CDH18: variants seen among roughly 807,000 people sequenced by gnomAD.
CDH18 encodes the protein cadherin-18.
Under a neutral mutation model 67.9 loss-of-function variants are expected in CDH18, and 31 were observed. The ratio of observed to expected loss-of-function variants is 0.46; its 90% CI spans 0.34 to 0.62. The LOEUF (loss-of-function observed/expected upper bound fraction) is 0.62. CDH18 is among the 20% of genes least tolerant of loss of function. CDH18 has a pLI of 0.01. For missense variants in CDH18, 890 were observed against 975.5 expected (o/e 0.91, Z 1.17); for synonymous variants, 362 against 347.2 (o/e 1.04, Z -0.48).
intron 3 of CDH18, 32 bp downstream of exon 3, chr5:19,838,726 AT>A: frequency 6.9e-7 from 1 of 1,458,920 alleles, no homozygotes; most frequent in Non-Finnish European, 9.6e-7. Flanking sequence ...ATTTCTCAGG[AT>A]AGAAAAAACA....
intron 3 of CDH18, among the ~76,000 whole-genome samples, chr5:19,762,078 C>A (rs1772434498): frequency 6.6e-6 from 1 of 152,036 alleles, no homozygotes; most frequent in African/African-American, 2.4e-5. Flanking sequence ...TTGCACCTTA[C>A]ACAAAAATTA....
At chr5:20,342,738 C>A (rs1182612131) in intron 1 of CDH18, among the ~76,000 whole-genome samples, 1 of 152,086 alleles carries the variant, frequency 6.6e-6, no homozygotes, top group Admixed American at 6.5e-5. Context: ...TGTTGCAGGT[C>A]AGGGAGTTAA....
intron 2 of CDH18, among the ~76,000 whole-genome samples, chr5:20,043,394 C>T (rs969138242): frequency 1.4e-4 from 21 of 152,012 alleles, no homozygotes; most frequent in African/African-American, 4.6e-4. Flanking sequence ...AAAGGTTTGC[C>T]TCTACTTTAA....
At chr5:20,453,822 A>G (rs1055978690) in intron 1 of CDH18, among the ~76,000 whole-genome samples, 4 of 152,104 alleles carry the variant, frequency 2.6e-5, no homozygotes, top group Non-Finnish European at 5.9e-5. Context: ...TAAAAAGTAG[A>G]AACAATAAAC....
chr5:20,166,465 G>T (rs371846582), intron 2 of CDH18, among the ~76,000 whole-genome samples: 1 of 142,338 alleles, frequency 7.0e-6, no homozygotes, highest in African/African-American at 2.6e-5. Context: ...GAAAAGAAAA[G>T]AAAAGAAAAA....
At chr5:20,226,149 T>A (rs1157046853) in intron 2 of CDH18, among the ~76,000 whole-genome samples, 1 of 152,078 alleles carries the variant, frequency 6.6e-6, no homozygotes, top group Non-Finnish European at 1.5e-5. Context: ...GTTATTTTTT[T>A]AAAAAGCAAG....
intron 5 of CDH18, among the ~76,000 whole-genome samples, chr5:19,690,089 A>G (rs1761658049): frequency 1.3e-5 from 2 of 151,156 alleles, no homozygotes; most frequent in Admixed American, 6.6e-5. Flanking sequence ...GTGTGTATAT[A>G]TATATATACA....
In CDH18 at chr5:20,428,058, G is replaced by A. The variant is rs113230514; in HGVS notation, c.-580+147404C>T. On this transcript the variant is annotated intron_variant, in intron 1 of 14. Coordinates refer to the CDH18 transcript ENST00000507958. ...CCATCATCTGGGTTTCAAGCCCCACGTGCATTAGGTACTTGTCCTAATGCT... is the reference window on the plus strand; with the variant it reads ...CCATCATCTGGGTTTCAAGCCCCACATGCATTAGGTACTTGTCCTAATGCT... 1.4e-4 allele frequency among the ~76,000 whole-genome samples: 21 copies of A among 150,642 alleles called. 1 individual carries two copies. Among genetic ancestry groups the A allele is most frequent in the African/African-American group, 5.2e-4 (21 of 40,208 alleles).
chr5:20,148,298 T>C (rs562359190), intron 2 of CDH18, among the ~76,000 whole-genome samples: 59 of 152,056 alleles, frequency 3.9e-4, no homozygotes, highest in Middle Eastern at 6.8e-3. Flanking sequence ...AGGGTTTCAC[T>C]GTGTTAGCCA....
intron 2 of CDH18, among the ~76,000 whole-genome samples, chr5:20,173,050 A>G (rs1001958206): frequency 1.3e-5 from 2 of 152,122 alleles, no homozygotes; most frequent in African/African-American, 4.8e-5. Flanking sequence ...AAAGTACTAA[A>G]CACAAACAAC....
intron 7 of CDH18, among the ~76,000 whole-genome samples, chr5:19,586,294 G>A (rs2150005445): frequency 6.6e-6 from 1 of 152,108 alleles, no homozygotes; most frequent in African/African-American, 2.4e-5. Flanking sequence ...CTGCCGCACA[G>A]ATTAACCCAT....
At chr5:20,460,328 G>T (rs1245996831) in intron 1 of CDH18, among the ~76,000 whole-genome samples, 1 of 151,864 alleles carries the variant, frequency 6.6e-6, no homozygotes, top group African/African-American at 2.4e-5. Flanking sequence ...GGAGGTGGAG[G>T]TTGCAGTGAG....
chr5:19,713,652 A>G (rs1764992528), intron 5 of CDH18, among the ~76,000 whole-genome samples: 1 of 152,132 alleles, frequency 6.6e-6, no homozygotes, highest in African/African-American at 2.4e-5. Flanking sequence ...TCTGTAAAGT[A>G]CTTTGGTACT....
intron 1 of CDH18, among the ~76,000 whole-genome samples, chr5:20,505,679 G>C (rs1754612622): frequency 6.6e-6 from 1 of 152,170 alleles, no homozygotes; most frequent in South Asian, 2.1e-4. Flanking sequence ...GAGTAGCTTT[G>C]AGAGATATTT....
chr5:19,919,624 G>A, intron 2 of CDH18, among the ~76,000 whole-genome samples: 1 of 152,210 alleles, frequency 6.6e-6, no homozygotes, highest in South Asian at 2.1e-4. Context: ...TAAATTATAA[G>A]GGTAGTAGAT....
chr5:19,483,390 C>T lies in CDH18; in HGVS notation c.1793G>A (p.Arg598Gln), dbSNP rs766286596. The T allele has an allele frequency of 6.2e-6, 10 of 1,613,920 alleles. No homozygotes were observed. The Admixed American group carries it at 6.7e-5, about 11-fold the overall frequency. The change falls in exon 12 of 13, where the codon CGG becomes CAG. Residue 598 changes from arginine (R) to glutamine (Q), a missense_variant. Transcript: ENST00000382275. ...VCACERDGRV[R>Q]TCHAEAFLSS... ...CAGGAAGGCTTCTGCATGGCAGGTC[C>T]GCACACGCCCATCTCTCTCGCATGC...
intron 5 of CDH18, 142 bp from the exon 6 acceptor site, chr5:19,612,743 T>C: frequency 3.1e-6 from 2 of 642,888 alleles, no homozygotes; most frequent in Non-Finnish European, 5.3e-6. Flanking sequence ...AAACAATATC[T>C]TACCAATGCA....
At chr5:20,410,852 A>C (rs139481630) in intron 1 of CDH18, among the ~76,000 whole-genome samples, 35 of 152,042 alleles carry the variant, frequency 2.3e-4, no homozygotes, top group East Asian at 2.1e-3. Context: ...TATCATTCAC[A>C]ATAGTATTAA....
chr5:20,560,511 ACC>A (rs1554019519), intron 1 of CDH18, among the ~76,000 whole-genome samples: 2 of 146,218 alleles, frequency 1.4e-5, no homozygotes, highest in African/African-American at 2.6e-5. Flanking sequence ...ACACACACAC[ACC>A]CCTACATTCA....
Sources: allele counts gnomAD v4.1 joint callset (sites outside exome capture counted in the v4.1 genomes callset), GRCh38; gene constraint gnomAD v4.1.1; transcripts MANE v1.5; gene names NCBI Gene and HGNC (gene_info 2026-07-23, HGNC 2026-07-21).